NRXN1: variants seen among roughly 807,000 people sequenced by gnomAD.
NRXN1 encodes neurexin-1.
In NRXN1, 39 loss-of-function variants were observed where a neutral mutation model predicts 150.9. The ratio of observed to expected loss-of-function variants is 0.26; its 90% confidence interval spans 0.20 to 0.34. The LOEUF (loss-of-function observed/expected upper bound fraction) is 0.34. Among genes scored for constraint, NRXN1 ranks in the 10% least tolerant of loss-of-function variants. The pLI, the probability that NRXN1 is intolerant of heterozygous loss-of-function variation, is 1.00. For missense variants in NRXN1, 1,815 were observed against 1,949.9 expected, an observed-to-expected ratio of 0.93 and a Z score of 1.30; for synonymous variants, 924 against 757.0, an observed-to-expected ratio of 1.22 and a Z score of -3.62.
chr2:50,580,487 G>C (rs1672100790), intron 8 of NRXN1, among the ~76,000 whole-genome samples: 2 of 152,186 alleles, frequency 1.3e-5, no homozygotes, highest in African/African-American at 4.8e-5. Flanking sequence ...TTAACATAGA[G>C]AAGTATATCA....
intron 2 of NRXN1, among the ~76,000 whole-genome samples, chr2:50,938,810 T>A (rs1392279151): frequency 6.6e-6 from 1 of 152,192 alleles, no homozygotes; most frequent in Non-Finnish European, 1.5e-5. Context: ...AAATTCTATG[T>A]TCATTCCTCT....
intron 5 of NRXN1, among the ~76,000 whole-genome samples, chr2:50,724,063 A>G (rs1697015213): frequency 6.6e-6 from 1 of 152,206 alleles, no homozygotes; most frequent in African/African-American, 2.4e-5. Context: ...ATCCATTGTG[A>G]TGATCTTTAT....
intron 19 of NRXN1, among the ~76,000 whole-genome samples, chr2:50,081,261 T>C (rs183409816): frequency 3.7e-4 from 57 of 152,318 alleles, no homozygotes; most frequent in Non-Finnish European, 5.6e-4. Context: ...CATTTGTTTA[T>C]TAGAAGTTAA....
At chr2:50,228,435 T>C (rs2064615355) in intron 18 of NRXN1, among the ~76,000 whole-genome samples, 1 of 151,906 alleles carries the variant, frequency 6.6e-6, no homozygotes, top group African/African-American at 2.4e-5. Context: ...TAGCCTGTGA[T>C]CGTGTAGATG....
intron 5 of NRXN1, among the ~76,000 whole-genome samples, chr2:50,729,810 T>A (rs952478999): frequency 2.6e-5 from 4 of 152,132 alleles, no homozygotes; most frequent in Non-Finnish European, 5.9e-5. Flanking sequence ...TGCTTCAGAG[T>A]CACAATTCTC....
At chr2:50,963,293 C>T (rs902239700) in intron 2 of NRXN1, among the ~76,000 whole-genome samples, 9 of 151,512 alleles carry the variant, frequency 5.9e-5, no homozygotes, top group African/African-American at 1.9e-4. Flanking sequence ...CATGGCCTTT[C>T]TAAAGTGGGA....
chr2:50,510,499 A>G (rs1442084421), intron 12 of NRXN1, among the ~76,000 whole-genome samples: 2 of 149,064 alleles, frequency 1.3e-5, no homozygotes, highest in Non-Finnish European at 3.0e-5. Flanking sequence ...AAAAAAAAAA[A>G]AAAAAAAAAA....
At chr2:50,131,714 G>C (rs1427295750) in intron 18 of NRXN1, among the ~76,000 whole-genome samples, 1 of 152,140 alleles carries the variant, frequency 6.6e-6, no homozygotes, top group African/African-American at 2.4e-5. Context: ...GGCTAAATGG[G>C]CTGTTTTAAA....
intron 17 of NRXN1, among the ~76,000 whole-genome samples, chr2:50,386,297 G>C (rs1423577696): frequency 1.3e-5 from 2 of 151,972 alleles, no homozygotes. Flanking sequence ...AAATCTGTAA[G>C]TGCAAAATAT....
At chr2:51,022,921 A>G (rs1669857955) in intron 2 of NRXN1, among the ~76,000 whole-genome samples, 1 of 152,148 alleles carries the variant, frequency 6.6e-6, no homozygotes, top group African/African-American at 2.4e-5. Flanking sequence ...GGTTCCAAAG[A>G]CCCATAAATT....
At position 50,764,955 on chromosome 2, in the gene NRXN1, C is replaced by T. The variant is rs1005271910; in HGVS notation, c.833-141340G>A. Among the ~76,000 whole-genome samples, 20 of 151,990 alleles carry T rather than the reference C, an allele frequency of 1.3e-4. 1 individual carries two copies. The highest frequency in any genetic ancestry group is 6.2e-4 in the South Asian group (3 of 4,824). ...TGTGTTTATGGAATTTGCAGAATCA[C>T]TTCCTTCAAAGTTCAATGGTCTATA... On this transcript the variant is annotated intron_variant, in intron 5 of 22. Transcript: ENST00000401669.
At position 50,359,601 on chromosome 2, in the gene NRXN1, G is replaced by A. The variant is rs115070998; in HGVS notation, c.3364+105841C>T. 7.3e-3 allele frequency among the ~76,000 whole-genome samples: 1,117 copies of A among 152,080 alleles called. 21 individuals are homozygous for A. Among genetic ancestry groups the A allele is most frequent in the African/African-American group, 0.026 (1,060 of 41,516 alleles). On this transcript the variant is annotated intron_variant, in intron 17 of 22. Transcript: ENST00000401669. Reference sequence around the variant, plus strand: ...CGAACAAAGCCTCCAAGATATATGGGATTATATGAAAAGACCAAACCTACA... The same window carrying A: ...CGAACAAAGCCTCCAAGATATATGGAATTATATGAAAAGACCAAACCTACA...
rs80149170 is a variant in NRXN1, at chr2:50,051,698, C to T, written c.4128+1573G>A. On this transcript the variant is annotated intron_variant, in intron 21 of 22. Coordinates refer to ENST00000401669, the MANE Select transcript of NRXN1 (RefSeq NM_001330078.2). ...TTATTGGCAACCTTATAAATCCTAA[C>T]GAGAGAAAATCAACAAAAGGATCAC... 1.2e-3 allele frequency among the ~76,000 whole-genome samples: 185 copies of T among 152,132 alleles called. 1 individual carries two copies. Among genetic ancestry groups the T allele is most frequent in the Admixed American group, 4.3e-3 (65 of 15,268 alleles).
intron 17 of NRXN1, among the ~76,000 whole-genome samples, chr2:50,400,661 C>T (rs962109145): frequency 2.0e-5 from 3 of 152,092 alleles, no homozygotes; most frequent in African/African-American, 4.8e-5. Flanking sequence ...ACAAACATGT[C>T]AGTGTGGACA....
intron 17 of NRXN1, among the ~76,000 whole-genome samples, chr2:50,243,455 A>G (rs2066217528): frequency 6.6e-6 from 1 of 151,794 alleles, no homozygotes; most frequent in African/African-American, 2.4e-5. Flanking sequence ...ATTTTAAAAA[A>G]TACGTTGTTG....
At chr2:50,388,659 C>T (rs867693983) in intron 17 of NRXN1, among the ~76,000 whole-genome samples, 16 of 152,014 alleles carry the variant, frequency 1.1e-4, no homozygotes, top group South Asian at 8.3e-4. Flanking sequence ...TTTTATGCTC[C>T]TTAGATTCCA....
At chr2:50,321,570 T>A (rs920738858) in intron 17 of NRXN1, among the ~76,000 whole-genome samples, 3 of 152,148 alleles carry the variant, frequency 2.0e-5, no homozygotes, top group African/African-American at 7.2e-5. Flanking sequence ...AATGAACATT[T>A]TTTTTTCCTA....
intron 2 of NRXN1, among the ~76,000 whole-genome samples, chr2:50,989,411 A>G (rs1698208437): frequency 1.3e-5 from 2 of 151,994 alleles, no homozygotes; most frequent in Non-Finnish European, 2.9e-5. Flanking sequence ...CAGTCAGATA[A>G]CCACCAATAC....
intron 17 of NRXN1, among the ~76,000 whole-genome samples, chr2:50,449,155 G>C (rs773759062): frequency 4.6e-5 from 7 of 152,128 alleles, no homozygotes; most frequent in Non-Finnish European, 8.8e-5. Context: ...CTAATGCATA[G>C]ACGCAGGAAT....
Sources: allele counts gnomAD v4.1 joint callset (sites outside exome capture counted in the v4.1 genomes callset), GRCh38; gene constraint gnomAD v4.1.1; transcripts MANE v1.5; gene names NCBI Gene and HGNC (gene_info 2026-07-23, HGNC 2026-07-21).